Variants in DCUN1D3 observed in about 807,000 individuals in gnomAD.
DCUN1D3 encodes defective in cullin neddylation 1 domain containing 3.
In DCUN1D3, 6 loss-of-function variants were observed where a neutral mutation model predicts 24.8. The ratio of observed to expected loss-of-function variants is 0.24; its 90% CI spans 0.13 to 0.48. The LOEUF (loss-of-function observed/expected upper bound fraction) is 0.48, where lower values mean the gene tolerates loss of function less well. Among genes scored for constraint, DCUN1D3 ranks in the 20% least tolerant of loss-of-function variants. DCUN1D3 has a pLI of 0.99. For missense variants in DCUN1D3, 258 were observed against 379.4 expected, an observed-to-expected ratio of 0.68 and a Z score of 2.66; for synonymous variants, 120 against 144.9, an observed-to-expected ratio of 0.83 and a Z score of 1.24.
At chr16:20,877,638 T>C (rs1190002638) in intron 1 of DCUN1D3, among the ~76,000 whole-genome samples, 3 of 152,228 alleles carry the variant, frequency 2.0e-5, no homozygotes, top group Non-Finnish European at 4.4e-5. Context: ...AAATGCTGAA[T>C]CTGAGATGTT....
chr16:20,874,357 GA>G (rs1454866780), intron 1 of DCUN1D3, among the ~76,000 whole-genome samples: 9 of 152,204 alleles, frequency 5.9e-5, no homozygotes, highest in African/African-American at 2.2e-4. Context: ...CTGGCTACAA[GA>G]ATCTTTCCAA....
chr16:20,881,915 A>G (rs9922919), intron 1 of DCUN1D3, among the ~76,000 whole-genome samples: 105,498 of 151,884 alleles, frequency 0.69, 37,067 homozygotes, highest in Non-Finnish European at 0.73. Context: ...CGATTCTCCT[A>G]CCTCAGCCTC....
intron 1 of DCUN1D3, among the ~76,000 whole-genome samples, chr16:20,892,289 A>C (rs1306513919): frequency 2.0e-5 from 3 of 151,950 alleles, no homozygotes; most frequent in African/African-American, 7.3e-5. Flanking sequence ...ATCACTCCTC[A>C]CTCTCTAATT....
In DCUN1D3 at chr16:20,859,570, C is replaced by CAA. The variant is rs879111709; in HGVS notation, c.*314_*315dup. ...AAAAAAAAAAAAAAACAAAAAAAAA[C>CAA]AAAAAAAAAACCTAAATTTGTGCAA... On this transcript the variant is annotated 3_prime_UTR_variant, in exon 3 of 3. Coordinates refer to ENST00000324344, the MANE Select transcript of DCUN1D3 (RefSeq NM_173475.4). 7.6e-5 allele frequency: 7 copies of CAA among 91,802 alleles called. No individual in the cohort carries two copies. Among genetic ancestry groups the CAA allele is most frequent in the East Asian group, 6.7e-4 (2 of 2,992 alleles). 5.7% of individuals were successfully genotyped at this position (91,802 alleles called of 1,614,324 possible). A position where few individuals can be genotyped will look rare whatever the true frequency, so the allele number is the denominator to read the frequency against.
chr16:20,866,909 C>T (rs1229107210), intron 1 of DCUN1D3, among the ~76,000 whole-genome samples: 1 of 152,210 alleles, frequency 6.6e-6, no homozygotes, highest in African/African-American at 2.4e-5. Context: ...TTTGCTCTCC[C>T]AGAGCTTTCC....
chr16:20,882,254 T>A (rs1175563989), intron 1 of DCUN1D3, among the ~76,000 whole-genome samples: 3 of 50,226 alleles, frequency 6.0e-5, no homozygotes, highest in African/African-American at 1.0e-4. Context: ...ACATTGCTAT[T>A]TTTTTTTTTT....
chr16:20,877,662 C>T (rs2081822793), intron 1 of DCUN1D3, among the ~76,000 whole-genome samples: 1 of 152,216 alleles, frequency 6.6e-6, no homozygotes, highest in Non-Finnish European at 1.5e-5. Context: ...CACTTTCTCA[C>T]ACACAATTAA....
chr16:20,889,215 A>G (rs867657398), intron 1 of DCUN1D3, among the ~76,000 whole-genome samples: 5 of 125,726 alleles, frequency 4.0e-5, no homozygotes, highest in Admixed American at 8.4e-5. Context: ...ACAAAGTGAG[A>G]CTCCATCTCA....
At position 20,860,106 on chromosome 16, in the gene DCUN1D3, G is replaced by A; in HGVS notation, c.695C>T (p.Pro232Leu). 6.2e-7 allele frequency: 1 copy of A among 1,614,252 alleles called. No individual in the cohort carries two copies. The highest frequency in any genetic ancestry group is 2.2e-5 in the East Asian group (1 of 44,886). ...DQWLNFLTEN[P>L]SGIKGISRDT... ...CCGGGAGATGCCCTTGATCCCCGAG[G>A]GGTTCTCTGTTAGGAAGTTTAGCCA... The change falls in exon 3 of 3, where the codon CCC becomes CTC. Residue 232 changes from proline (P) to leucine (L), a missense_variant. Coordinates refer to ENST00000324344, the MANE Select transcript of DCUN1D3 (RefSeq NM_173475.4). The surrounding 1 kb of genome is among the most constrained non-coding windows in gnomAD (Gnocchi z 4.3).
Position 20,862,397 on chromosome 16 carries a change from C to A in DCUN1D3, c.142G>T (p.Gly48Cys). 6.2e-7 allele frequency: 1 copy of A among 1,614,122 alleles called. No homozygotes were observed. Among genetic ancestry groups the A allele is most frequent in the Non-Finnish European group, 8.5e-7 (1 of 1,180,044 alleles). Reference protein sequence around the residue: ...EEQVPPCGKPGGDILVNGTKK... With the variant: ...EEQVPPCGKPCGDILVNGTKK... ...GTCCCGTTGACGAGGATATCTCCACCTGGCTTGCCACAGGGTGGTACCTGC... is the reference window on the plus strand; with the variant it reads ...GTCCCGTTGACGAGGATATCTCCACATGGCTTGCCACAGGGTGGTACCTGC... The change falls in exon 2 of 3, where the codon GGT becomes TGT. Residue 48 changes from glycine (G) to cysteine (C), a missense_variant. Gly to Cys is a radical substitution (Grantham distance 159). Transcript: ENST00000324344.
rs377648758 is a variant in DCUN1D3 at position 20,879,552 on chromosome 16, G to A, written c.-105-16909C>T. Among the ~76,000 whole-genome samples the A allele has an allele frequency of 7.0e-4, 106 of 152,216 alleles. 1 individual carries two copies. The highest frequency in any genetic ancestry group is 2.4e-3 in the African/African-American group (99 of 41,532). On this transcript the variant is annotated intron_variant, in intron 1 of 2. Transcript: ENST00000324344. ...ATAAATCACTAACTGAAATATTTCT[G>A]GATTGCTAACATCCAATCTTGATTA...
In DCUN1D3 at chr16:20,859,152, T is replaced by TGCTG. The variant is rs2081716310; in HGVS notation, c.*733_*734insCAGC. 6.6e-6 allele frequency: 1 copy of TGCTG among 152,620 alleles called. No homozygotes were observed. 9.5% of individuals were successfully genotyped at this position (152,620 alleles called of 1,614,324 possible). A position where few individuals can be genotyped will look rare whatever the true frequency, so the allele number is the denominator to read the frequency against. On this transcript the variant is annotated 3_prime_UTR_variant, in exon 3 of 3. Transcript: ENST00000324344. Reference sequence around the variant, plus strand: ...GCTCACTTGACTGACAGGTGCAGCATGTTGATGGAAAAACTCAACATGAAA... The same window carrying TGCTG: ...GCTCACTTGACTGACAGGTGCAGCATGCTGGTTGATGGAAAAACTCAACATGAAA...
rs531760769 is a variant in DCUN1D3, at chr16:20,888,809, A to G, written c.-106+11395T>C. ...GTCATATTAAAAAGTAACATGGGCC[A>G]GGTGCCGTGGCTCACACCTGTAATC... On this transcript the variant is annotated intron_variant, in intron 1 of 2. Coordinates refer to ENST00000324344, the MANE Select transcript of DCUN1D3 (RefSeq NM_173475.4). Among the ~76,000 whole-genome samples, 230 of 152,336 alleles carry G rather than the reference A, an allele frequency of 1.5e-3. 1 individual carries two copies. Among genetic ancestry groups the G allele is most frequent in the African/African-American group, 5.3e-3 (222 of 41,570 alleles).
intron 1 of DCUN1D3, among the ~76,000 whole-genome samples, chr16:20,876,249 G>A (rs11074478): frequency 0.43 from 65,001 of 151,988 alleles, 16,415 homozygotes; most frequent in Non-Finnish European, 0.58. Context: ...TTACAGGCTC[G>A]AGCCACTGTG....
At chr16:20,873,144 A>G (rs1242914803) in intron 1 of DCUN1D3, among the ~76,000 whole-genome samples, 1 of 151,958 alleles carries the variant, frequency 6.6e-6, no homozygotes, top group Admixed American at 6.6e-5. Flanking sequence ...AAAACAACTA[A>G]CCAATCCAAT....
chr16:20,881,044 G>A (rs1438104237), intron 1 of DCUN1D3, among the ~76,000 whole-genome samples: 1 of 152,034 alleles, frequency 6.6e-6, no homozygotes, highest in Admixed American at 6.6e-5. Flanking sequence ...AAGTCTTTGA[G>A]TCACTGAGAA....
Position 20,859,676 on chromosome 16 carries a change from C to A in DCUN1D3, c.*210G>T. 1.8e-6 allele frequency: 1 copy of A among 545,294 alleles called. No individual in the cohort carries two copies. Among genetic ancestry groups the A allele is most frequent in the Non-Finnish European group, 3.0e-6 (1 of 333,874 alleles). The allele number at this position is 545,294 out of a possible 1,614,324, so 33.8% of individuals were successfully genotyped here. ...CCAGGTTCAAATATTCTGGGAGATC[C>A]CCCCAAAAAGGAAATAACCAAAATA... On this transcript the variant is annotated 3_prime_UTR_variant, in exon 3 of 3. Coordinates refer to ENST00000324344, the MANE Select transcript of DCUN1D3 (RefSeq NM_173475.4).
intron 1 of DCUN1D3, among the ~76,000 whole-genome samples, chr16:20,869,262 C>T (rs1189224540): frequency 2.0e-5 from 3 of 152,256 alleles, no homozygotes; most frequent in African/African-American, 7.2e-5. Context: ...CTGTGTCTTA[C>T]AGAACAGAAC....
At chr16:20,865,433 A>C (rs569665525) in intron 1 of DCUN1D3, among the ~76,000 whole-genome samples, 1 of 152,358 alleles carries the variant, frequency 6.6e-6, no homozygotes, top group East Asian at 1.9e-4. Context: ...TGATTTCTCT[A>C]AGATGACTCT....
Sources: allele counts gnomAD v4.1 joint callset (sites outside exome capture counted in the v4.1 genomes callset), GRCh38; gene constraint gnomAD v4.1.1; non-coding constraint Gnocchi (gnomAD v3.1); transcripts MANE v1.5; gene names NCBI Gene and HGNC (gene_info 2026-07-23, HGNC 2026-07-21).